The following IRF8 variants were observed in gnomAD, a reference collection of about 807,000 sequenced individuals.
IRF8 encodes interferon regulatory factor 8, also known as interferon consensus sequence binding protein 1.
A neutral mutation model predicts 48.7 loss-of-function variants in IRF8; 14 were observed. That is an observed-to-expected ratio of 0.29 (90% CI 0.19 to 0.45). The LOEUF (loss-of-function observed/expected upper bound fraction) is 0.45, where lower values mean the gene tolerates loss of function less well. Among genes scored for constraint, IRF8 ranks in the 20% least tolerant of loss-of-function variants. The pLI is 1.00. For synonymous variants in IRF8, 278 were observed against 227.3 expected (o/e 1.22, Z -2.01); for missense variants, 493 against 580.7 (o/e 0.85, Z 1.55).
chr16:85,918,428 A>C lies in IRF8; in HGVS notation c.613A>C (p.Met205Leu). ...CCTCTTGTCCACAGCATTCTCCCAGATGGTGATCAGCTTCTACTATGGGGG... is the reference window on the plus strand; with the variant it reads ...CCTCTTGTCCACAGCATTCTCCCAGCTGGTGATCAGCTTCTACTATGGGGG... ...YDAHHSAFSQMVISFYYGGKL... is the reference protein window; with the variant it reads ...YDAHHSAFSQLVISFYYGGKL... Residue 205 changes from methionine to leucine, a missense_variant, in exon 7 of 9, where the codon ATG becomes CTG. Met to Leu is a conservative substitution (Grantham distance 15, BLOSUM62 2). Around this residue, in one of 3 missense-constraint regions of IRF8, gnomAD observed 408 missense variants for 449.6 expected, o/e 0.91. Transcript: ENST00000268638. 1 of 1,595,232 alleles carries C rather than the reference A, an allele frequency of 6.3e-7. No individual in the cohort carries two copies. The highest frequency in any genetic ancestry group is 1.3e-5 in the African/African-American group (1 of 74,934).
chr16:85,914,159 T>G (rs1905227025), intron 5 of IRF8: 1 of 424,846 alleles, frequency 2.4e-6, no homozygotes. Context: ...TGCAGTCCAG[T>G]GGTATTCTGG....
At chr16:85,905,083 A>G (rs1413818568) in intron 2 of IRF8, among the ~76,000 whole-genome samples, 2 of 152,084 alleles carry the variant, frequency 1.3e-5, no homozygotes, top group East Asian at 1.9e-4. Context: ...CCCTACTGTC[A>G]CAATCAAAAA....
intron 2 of IRF8, among the ~76,000 whole-genome samples, chr16:85,904,325 A>G (rs1305048534): frequency 6.6e-6 from 1 of 152,172 alleles, no homozygotes; most frequent in African/African-American, 2.4e-5. Flanking sequence ...ATCAGACCTG[A>G]GACCACAAAC....
chr16:85,921,071 G>C (rs762047885), intron 8 of IRF8, 35 bp from the exon 9 acceptor site: 4 of 1,587,430 alleles, frequency 2.5e-6, no homozygotes, highest in Non-Finnish European at 3.4e-6. Context: ...TGGAGCCTCC[G>C]CCTCTGCCTC....
chr16:85,899,614 G>A (rs1364958510), intron 1 of IRF8, among the ~76,000 whole-genome samples: 1 of 152,230 alleles, frequency 6.6e-6, no homozygotes, highest in Non-Finnish European at 1.5e-5. Flanking sequence ...GAGGGTCAGA[G>A]TTGTGGAACT....
intron 8 of IRF8, 27 bp from the exon 9 acceptor site, chr16:85,921,079 C>G (rs1905542529): frequency 2.5e-6 from 4 of 1,599,692 alleles, no homozygotes; most frequent in Non-Finnish European, 3.4e-6. Context: ...CCGCCTCTGC[C>G]TCTGACTTTC....
At position 85,920,221 on chromosome 16, in the gene IRF8, G is replaced by A. The variant is rs763344644; in HGVS notation, c.1101G>A (p.Val367=). 1.4e-6 allele frequency: 2 copies of A among 1,472,850 alleles called. No individual in the cohort carries two copies. The highest frequency in any genetic ancestry group is 1.9e-6 in the Non-Finnish European group (2 of 1,052,722). 91.2% of individuals were successfully genotyped at this position (1,472,850 alleles called of 1,614,324 possible). ...MAPLRSKLIL[V]QIEQLYVRQL... ...CCTTGCGCTCCAAACTCATTCTCGT[G>A]CAGGTAAGTATGGGCAGCTTTTTTT... The change falls in exon 8 of 9, where the codon GTG becomes GTA. Residue 367 remains valine (V), a synonymous_variant. Transcript: ENST00000268638.
chr16:85,918,366 G>GA (rs760515767), intron 6 of IRF8, 51 bp from the exon 7 acceptor site: 4 of 1,574,996 alleles, frequency 2.5e-6, no homozygotes, highest in Non-Finnish European at 3.4e-6. Context: ...GGGCAGGAGG[G>GA]ACCCTGTATG....
intron 6 of IRF8, among the ~76,000 whole-genome samples, chr16:85,916,945 A>G (rs1454440397): frequency 6.6e-6 from 1 of 152,168 alleles, no homozygotes; most frequent in African/African-American, 2.4e-5. Context: ...TGTCAAATCA[A>G]TGAGGTGGAC....
chr16:85,900,050 T>C (rs2152097592), intron 1 of IRF8, among the ~76,000 whole-genome samples: 1 of 152,308 alleles, frequency 6.6e-6, no homozygotes, highest in African/African-American at 2.4e-5. Context: ...TCCTTTTGGG[T>C]TACGGCAGCT....
At chr16:85,910,665 CAG>C (rs940938869) in intron 3 of IRF8, among the ~76,000 whole-genome samples, 1 of 152,154 alleles carries the variant, frequency 6.6e-6, no homozygotes, top group Non-Finnish European at 1.5e-5. Context: ...AGGAGGTTCT[CAG>C]GGGTGAAGCA....
At chr16:85,900,569 A>C (rs534366011) in intron 1 of IRF8, among the ~76,000 whole-genome samples, 1 of 152,304 alleles carries the variant, frequency 6.6e-6, no homozygotes, top group African/African-American at 2.4e-5. Context: ...TAACGTAACT[A>C]TGGCTTTTCT....
At chr16:85,916,634 T>A (rs914807304) in intron 6 of IRF8, among the ~76,000 whole-genome samples, 1 of 152,292 alleles carries the variant, frequency 6.6e-6, no homozygotes. Context: ...CCAGTTCACA[T>A]GACTGAGAGG....
At chr16:85,914,766 C>T (rs114099865) in intron 6 of IRF8, among the ~76,000 whole-genome samples, 2,388 of 151,050 alleles carry the variant, frequency 0.016, 66 homozygotes, top group African/African-American at 0.055. Flanking sequence ...GTCGAGGCTC[C>T]GTTCCGAGGA....
chr16:85,911,574 A>G lies in IRF8; in HGVS notation c.363A>G (p.Lys121=). Residue 121 remains lysine (K), a synonymous_variant, in exon 4 of 9, where the codon AAA becomes AAG. Transcript: ENST00000268638. The part of the protein sequence containing the change: ...RIVPEEEQKC[K]LGVATAGCVN... ...TGTTTGTCTGGTTTTCTGTAGGCAA[A>G]CTAGGCGTGGCAACTGCTGGCTGCG... 6.2e-7 allele frequency: 1 copy of G among 1,614,002 alleles called. No homozygotes were observed. Among genetic ancestry groups the G allele is most frequent in the Non-Finnish European group, 8.5e-7 (1 of 1,179,876 alleles).
At position 85,918,406 on chromosome 16, in the gene IRF8, C is replaced by G. The variant is rs1306793551; in HGVS notation, c.602-11C>G. The G allele has an allele frequency of 1.4e-5, 22 of 1,594,626 alleles. No homozygotes were observed. The highest frequency in any genetic ancestry group is 1.9e-5 in the Non-Finnish European group (22 of 1,178,292). On this transcript the variant is annotated splice_polypyrimidine_tract_variant and intron_variant, in intron 6 of 8. Coordinates refer to ENST00000268638, the MANE Select transcript of IRF8 (RefSeq NM_002163.4). ...CCCGCAGCACCGTCATCGTGTCCCT[C>G]TTGTCCACAGCATTCTCCCAGATGG...
In IRF8 at chr16:85,921,283, G is replaced by T; in HGVS notation, c.*1G>T. On this transcript the variant is annotated 3_prime_UTR_variant, in exon 9 of 9. Transcript: ENST00000268638. ...AGAAAACCAACAGATCACCGTCTAA[G>T]TGCGTCGCTTGGGCGCCCCACCCCG... The T allele has an allele frequency of 6.2e-7, 1 of 1,613,592 alleles. No individual in the cohort carries two copies. The highest frequency in any genetic ancestry group is 8.5e-7 in the Non-Finnish European group (1 of 1,180,038).
chr16:85,922,216 C>G lies in IRF8; in HGVS notation c.*934C>G, dbSNP rs1905604072. On this transcript the variant is annotated 3_prime_UTR_variant, in exon 9 of 9. Transcript: ENST00000268638. ...TTTGGGAGACAGCTCATCCAATCTC[C>G]CAAGTCTCATGGTGGATTTGTGACT... 1 of 152,310 alleles carries G rather than the reference C, an allele frequency of 6.6e-6. No homozygotes were observed. The allele number at this position is 152,310 out of a possible 1,614,324, so 9.4% of individuals were successfully genotyped here. A position where few individuals can be genotyped will look rare whatever the true frequency, so the allele number is the denominator to read the frequency against.
In IRF8 at chr16:85,921,204, G is replaced by C. The variant is rs774892491; in HGVS notation, c.1203G>C (p.Gln401His). ...MQAPEEPPPD[Q>H]VFRMFPDICA... ...CCCCCGAGGAGCCGCCGCCAGACCAGGTCTTCCGGATGTTTCCAGATATTT... is the reference window on the plus strand; with the variant it reads ...CCCCCGAGGAGCCGCCGCCAGACCACGTCTTCCGGATGTTTCCAGATATTT... Residue 401 changes from glutamine (Q) to histidine (H), a missense_variant, in exon 9 of 9, where the codon CAG (glutamine) becomes CAC (histidine). By Grantham distance (24) the Gln-to-His change is conservative. Coordinates refer to ENST00000268638, the MANE Select transcript of IRF8 (RefSeq NM_002163.4). The C allele has an allele frequency of 6.2e-7, 1 of 1,614,220 alleles. No individual in the cohort carries two copies. The highest frequency in any genetic ancestry group is 8.5e-7 in the Non-Finnish European group (1 of 1,180,042).
Sources: allele counts gnomAD v4.1 joint callset (sites outside exome capture counted in the v4.1 genomes callset), GRCh38; gene constraint gnomAD v4.1.1; regional missense constraint gnomAD v4.1.1; transcripts MANE v1.5; gene names NCBI Gene and HGNC (gene_info 2026-07-23, HGNC 2026-07-21).